The following DISC1 variants were observed in gnomAD, a reference collection of about 807,000 sequenced individuals.
The protein encoded by DISC1 is disrupted in schizophrenia 1 protein.
A neutral mutation model predicts 84.5 loss-of-function variants in DISC1; 57 were observed. The observed-to-expected ratio is 0.67, with a 90% CI of 0.55 to 0.84. DISC1 has a LOEUF of 0.84. Among genes scored for constraint, DISC1 ranks in the 40% least tolerant of loss-of-function variants. The probability of loss-of-function intolerance (pLI) is 0.00; values close to 1 mark genes in which losing one functional copy is unlikely to be tolerated. For synonymous variants in DISC1, 411 were observed against 415.2 expected (o/e 0.99, Z 0.12); for missense variants, 1,000 against 1,057.8 (o/e 0.95, Z 0.76).
chr1:231,779,549 GTTTTT>G (rs762129889), intron 6 of DISC1, among the ~76,000 whole-genome samples: 3 of 53,572 alleles, frequency 5.6e-5, no homozygotes, highest in Admixed American at 2.8e-4. Context: ...ACCTATTCTT[GTTTTT>G]TTTTTTTTTT....
intron 9 of DISC1, among the ~76,000 whole-genome samples, chr1:231,849,587 T>C (rs1329514136): frequency 6.6e-6 from 1 of 152,156 alleles, no homozygotes; most frequent in Non-Finnish European, 1.5e-5. Flanking sequence ...TATGTGTGTG[T>C]ATGTGTGCGT....
At chr1:231,894,100 A>C (rs896767990) in intron 9 of DISC1, among the ~76,000 whole-genome samples, 7 of 152,238 alleles carry the variant, frequency 4.6e-5, no homozygotes, top group African/African-American at 1.7e-4. Context: ...TATTGCATAC[A>C]CTGGCTGGAG....
At chr1:231,952,736 T>C (rs1449330489) in intron 9 of DISC1, among the ~76,000 whole-genome samples, 1 of 148,794 alleles carries the variant, frequency 6.7e-6, no homozygotes, top group Non-Finnish European at 1.5e-5. Flanking sequence ...TATAAACTTA[T>C]TTTACACAAT....
chr1:231,678,300 G>A (rs1308579524), intron 1 of DISC1, among the ~76,000 whole-genome samples: 1 of 152,204 alleles, frequency 6.6e-6, no homozygotes, highest in African/African-American at 2.4e-5. Context: ...ACACCCACCA[G>A]AACCCAGGGA....
chr1:231,827,414 T>C (rs2081937491), intron 9 of DISC1, among the ~76,000 whole-genome samples: 1 of 152,236 alleles, frequency 6.6e-6, no homozygotes, highest in Non-Finnish European at 1.5e-5. Context: ...TATGACTCAT[T>C]ATATGGTCAC....
intron 1 of DISC1, among the ~76,000 whole-genome samples, chr1:231,686,800 C>T (rs1039267744): frequency 2.0e-5 from 3 of 152,066 alleles, no homozygotes; most frequent in African/African-American, 7.2e-5. Context: ...GTTCTGCTTC[C>T]CTTATATATC....
chr1:231,844,134 G>C (rs72760430), intron 9 of DISC1, among the ~76,000 whole-genome samples: 15,115 of 152,158 alleles, frequency 0.099, 821 homozygotes, highest in Non-Finnish European at 0.12. Context: ...TTGTTTGTGG[G>C]GTTCCCCTGC....
At chr1:231,883,774 T>C (rs1351698242) in intron 9 of DISC1, among the ~76,000 whole-genome samples, 2 of 151,968 alleles carry the variant, frequency 1.3e-5, no homozygotes, top group Admixed American at 6.6e-5. Context: ...GATGGTGCAA[T>C]TGACTGAGGG....
chr1:231,939,855 G>C (rs1047422330), intron 9 of DISC1, among the ~76,000 whole-genome samples: 1 of 152,048 alleles, frequency 6.6e-6, no homozygotes, highest in East Asian at 1.9e-4. Context: ...CAATTCTCCT[G>C]CCTCAGCCTC....
intron 9 of DISC1, among the ~76,000 whole-genome samples, chr1:231,953,998 C>T (rs914166503): frequency 2.6e-5 from 4 of 152,214 alleles, no homozygotes; most frequent in African/African-American, 9.7e-5. Context: ...GGATACAATT[C>T]ATTGAAACCT....
chr1:231,957,884 A>G (rs1025833149), intron 9 of DISC1, among the ~76,000 whole-genome samples: 15 of 152,352 alleles, frequency 9.8e-5, no homozygotes, highest in Non-Finnish European at 2.1e-4. Context: ...CTCCAGTAGC[A>G]TGAATCTGGG....
chr1:231,839,812 G>A (rs1002082886), intron 9 of DISC1, among the ~76,000 whole-genome samples: 4 of 152,164 alleles, frequency 2.6e-5, no homozygotes, highest in Non-Finnish European at 4.4e-5. Context: ...GCCAGCCAGC[G>A]TGTCACATGG....
intron 9 of DISC1, among the ~76,000 whole-genome samples, chr1:231,951,086 C>T (rs1300312616): frequency 6.6e-6 from 1 of 152,236 alleles, no homozygotes; most frequent in Non-Finnish European, 1.5e-5. Flanking sequence ...ACAACTGAGT[C>T]ACAGGATGAT....
chr1:231,781,160 TAA>T (rs56779223), intron 6 of DISC1, among the ~76,000 whole-genome samples: 2 of 117,912 alleles, frequency 1.7e-5, no homozygotes, highest in Admixed American at 9.3e-5. Flanking sequence ...AAAGTATAAT[TAA>T]AAAAAAAAAA....
intron 1 of DISC1, among the ~76,000 whole-genome samples, chr1:231,688,829 A>G (rs938289600): frequency 6.6e-6 from 1 of 152,206 alleles, no homozygotes; most frequent in African/African-American, 2.4e-5. Context: ...AATGGATTAC[A>G]TGATTAAATT....
At chr1:231,656,101 CTTAT>C (rs2061040751) in intron 1 of DISC1, among the ~76,000 whole-genome samples, 1 of 151,680 alleles carries the variant, frequency 6.6e-6, no homozygotes, top group Admixed American at 6.6e-5. Flanking sequence ...TAGTTTAAGT[CTTAT>C]TTATTTATCT....
chr1:231,949,661 C>A (rs1032590028), intron 9 of DISC1, among the ~76,000 whole-genome samples: 2 of 152,132 alleles, frequency 1.3e-5, no homozygotes, highest in Admixed American at 6.5e-5. Flanking sequence ...CCATCCTTGG[C>A]CACTGAGCAC....
chr1:231,963,357 C>A (rs142896434), intron 10 of DISC1, among the ~76,000 whole-genome samples: 2 of 152,050 alleles, frequency 1.3e-5, no homozygotes, highest in Non-Finnish European at 1.5e-5. Flanking sequence ...GATATTTCAC[C>A]ATTTTTGACC....
At chr1:231,947,516 C>T (rs1094400) in intron 9 of DISC1, among the ~76,000 whole-genome samples, 151,941 of 151,964 alleles carry the variant, frequency 1, 75,959 homozygotes, top group Middle Eastern at 1. Context: ...AGAAGAAAAC[C>T]TGGGCAATAC....
Sources: gnomAD v4.1 joint callset for allele counts (sites outside exome capture counted in the v4.1 genomes callset) on GRCh38, gnomAD v4.1.1 for gene constraint, MANE v1.5 for transcripts, NCBI Gene and HGNC (gene_info 2026-07-23, HGNC 2026-07-21) for gene names.